GNB4: variants seen among roughly 807,000 people sequenced by gnomAD.
GNB4 encodes G protein subunit beta 4, also known as guanine nucleotide-binding protein subunit beta-4.
In GNB4, 28 loss-of-function variants were observed where a neutral mutation model predicts 45.2. The ratio of observed to expected loss-of-function variants is 0.62; its 90% CI spans 0.46 to 0.85. The LOEUF is 0.85. Ranked by LOEUF, GNB4 falls within the 40% of genes least tolerant of loss-of-function variation. The pLI, the probability that GNB4 is intolerant of heterozygous loss-of-function variation, is 0.00. For missense variants in GNB4, 321 were observed against 425.4 expected, an observed-to-expected ratio of 0.75 and a Z score of 2.16; for synonymous variants, 132 against 143.7, an observed-to-expected ratio of 0.92 and a Z score of 0.58.
At chr3:179,509,273 T>C in the GNB4 span, among the ~76,000 whole-genome samples, 1 of 151,934 alleles carries the variant, frequency 6.6e-6, no homozygotes, top group Non-Finnish European at 1.5e-5. Context: ...ATCCTTGTCT[T>C]AGGTGGTGGA....
intron 2 of GNB4, among the ~76,000 whole-genome samples, chr3:179,425,917 T>C (rs1715134445): frequency 6.6e-6 from 1 of 152,270 alleles, no homozygotes; most frequent in South Asian, 2.1e-4. Context: ...CTGTCTTTCA[T>C]AGAGGCCATT....
chr3:179,401,195 C>G lies in GNB4; in HGVS notation c.*18G>C, dbSNP rs1340205693. 1 of 1,559,940 alleles carries G rather than the reference C, an allele frequency of 6.4e-7. No homozygotes were observed. The highest frequency in any genetic ancestry group is 8.8e-7 in the Non-Finnish European group (1 of 1,133,894). On this transcript the variant is annotated 3_prime_UTR_variant, in exon 10 of 10. Coordinates refer to ENST00000232564, the MANE Select transcript of GNB4 (RefSeq NM_021629.4). ...TTTCTCCAGATATATCAATGGAGAA[C>G]AAATATGTATGACACTGTTAATTCC...
intron 1 of GNB4, among the ~76,000 whole-genome samples, chr3:179,450,096 A>G (rs1715830254): frequency 6.6e-6 from 1 of 152,090 alleles, no homozygotes; most frequent in African/African-American, 2.4e-5. Context: ...ACAACGTTCA[A>G]TAAGATGATA....
At chr3:179,509,755 C>T in the GNB4 span, among the ~76,000 whole-genome samples, 658 of 151,966 alleles carry the variant, frequency 4.3e-3, 5 homozygotes, top group Middle Eastern at 0.024. Context: ...CACATCTGTC[C>T]CTGCAGATGT....
the GNB4 span, among the ~76,000 whole-genome samples, chr3:179,458,136 C>A: frequency 6.6e-6 from 1 of 152,178 alleles, no homozygotes; most frequent in African/African-American, 2.4e-5. Context: ...AACTGCTGAT[C>A]TCGTGATCCA....
chr3:179,396,726 G>T lies in GNB4; in HGVS notation c.*4487C>A, dbSNP rs571400079. On this transcript the variant is annotated 3_prime_UTR_variant, in exon 10 of 10. Transcript: ENST00000232564. ...TGCAAACATTTGCTAAATACAAGGTGTACCATCAATGTGTGATTAATTAAT... is the reference window on the plus strand; with the variant it reads ...TGCAAACATTTGCTAAATACAAGGTTTACCATCAATGTGTGATTAATTAAT... 25 of 116,934 alleles carry T rather than the reference G, an allele frequency of 2.1e-4. No individual in the cohort carries two copies. Among genetic ancestry groups the T allele is most frequent in the Admixed American group, 1.2e-3 (12 of 10,094 alleles). The allele number at this position is 116,934 out of a possible 1,614,324, so 7.2% of individuals were successfully genotyped here. A position where few individuals can be genotyped will look rare whatever the true frequency, so the allele number is the denominator to read the frequency against.
At chr3:179,498,459 CAG>C in the GNB4 span, among the ~76,000 whole-genome samples, 22 of 152,282 alleles carry the variant, frequency 1.4e-4, no homozygotes, top group African/African-American at 4.8e-4. Flanking sequence ...GTTTTTGAGA[CAG>C]AGTCTTGCTT....
the GNB4 span, among the ~76,000 whole-genome samples, chr3:179,488,757 C>T: frequency 6.6e-6 from 1 of 151,396 alleles, no homozygotes; most frequent in Non-Finnish European, 1.5e-5. Flanking sequence ...GGCTGAGGGC[C>T]AGATCGCTTG....
chr3:179,447,930 G>C (rs547084159), intron 1 of GNB4, among the ~76,000 whole-genome samples: 4 of 152,330 alleles, frequency 2.6e-5, no homozygotes, highest in African/African-American at 9.6e-5. Flanking sequence ...ATGAAAATCA[G>C]AAAGAGCGGT....
At chr3:179,465,874 T>C in the GNB4 span, among the ~76,000 whole-genome samples, 1 of 150,210 alleles carries the variant, frequency 6.7e-6, no homozygotes, top group Non-Finnish European at 1.5e-5. Context: ...CCTGGGCTGG[T>C]ATTGAACTCC....
chr3:179,493,832 T>C, the GNB4 span, among the ~76,000 whole-genome samples: 1 of 152,248 alleles, frequency 6.6e-6, no homozygotes, highest in South Asian at 2.1e-4. Flanking sequence ...CTTCCTTTTC[T>C]ACATACACAC....
At chr3:179,409,021 T>G (rs1714562369) in intron 8 of GNB4, among the ~76,000 whole-genome samples, 1 of 147,620 alleles carries the variant, frequency 6.8e-6, no homozygotes, top group African/African-American at 2.5e-5. Flanking sequence ...CCAGGCATGG[T>G]GGCACGCACC....
intron 1 of GNB4, among the ~76,000 whole-genome samples, chr3:179,433,731 GAAA>G (rs1057308928): frequency 2.0e-5 from 3 of 149,208 alleles, no homozygotes; most frequent in Non-Finnish European, 3.0e-5. Flanking sequence ...CACAGACTGA[GAAA>G]AGATAGTTGT....
upstream of GNB4, among the ~76,000 whole-genome samples, chr3:179,453,595 G>A (rs932274045): frequency 2.0e-5 from 3 of 152,178 alleles, no homozygotes; most frequent in African/African-American, 7.2e-5. Flanking sequence ...CAGAAAAGAT[G>A]AGGGGAAATA....
At chr3:179,460,825 C>T in the GNB4 span, among the ~76,000 whole-genome samples, 3 of 152,062 alleles carry the variant, frequency 2.0e-5, no homozygotes, top group Admixed American at 1.3e-4. Flanking sequence ...AATTTTTTAT[C>T]TTTTATTTTT....
rs1714114112 is a variant in GNB4 at position 179,396,394 on chromosome 3, C to A, written c.*4819G>T. Reference sequence around the variant, plus strand: ...ATAATTTTAATCAACTTTAAAAACACACTTAGATGTGGATGCCTTTGGATA... The same window carrying A: ...ATAATTTTAATCAACTTTAAAAACAAACTTAGATGTGGATGCCTTTGGATA... On this transcript the variant is annotated 3_prime_UTR_variant, in exon 10 of 10. Coordinates refer to ENST00000232564, the MANE Select transcript of GNB4 (RefSeq NM_021629.4). The A allele has an allele frequency of 6.6e-6, 1 of 152,156 alleles. No individual in the cohort carries two copies. The highest frequency in any genetic ancestry group is 1.5e-5 in the Non-Finnish European group (1 of 68,026). The allele number at this position is 152,156 out of a possible 1,614,324, so 9.4% of individuals were successfully genotyped here.
the GNB4 span, among the ~76,000 whole-genome samples, chr3:179,461,261 G>A: frequency 6.6e-6 from 1 of 152,144 alleles, no homozygotes; most frequent in African/African-American, 2.4e-5. Context: ...ATTTTGGGAG[G>A]TAGAGGCAGG....
chr3:179,503,178 T>G, the GNB4 span, among the ~76,000 whole-genome samples: 1 of 152,208 alleles, frequency 6.6e-6, no homozygotes, highest in Non-Finnish European at 1.5e-5. Context: ...GTATGTATAT[T>G]TTACCTAAAA....
intron 5 of GNB4, 76 bp downstream of exon 5, chr3:179,416,416 TA>T: frequency 1.2e-6 from 1 of 814,038 alleles, no homozygotes; most frequent in Non-Finnish European, 2.0e-6. Context: ...AAGTTTGAGG[TA>T]AAAGAATAAA....
Sources: allele counts gnomAD v4.1 joint callset (sites outside exome capture counted in the v4.1 genomes callset), GRCh38; gene constraint gnomAD v4.1.1; transcripts MANE v1.5; gene names NCBI Gene and HGNC (gene_info 2026-07-23, HGNC 2026-07-21).